TRAM1: variants seen among roughly 807,000 people sequenced by gnomAD.
The protein encoded by TRAM1 is translocation associated membrane protein 1, also known as translocating chain-associated membrane protein 1.
In TRAM1, 17 loss-of-function variants were observed where a neutral mutation model predicts 48.7. The observed-to-expected ratio is 0.35, with a 90% CI of 0.24 to 0.52. TRAM1 has a LOEUF of 0.52. TRAM1 is among the 20% of genes least tolerant of loss of function. TRAM1 has a pLI of 0.94. For synonymous variants in TRAM1, 182 were observed against 154.0 expected (o/e 1.18, Z -1.34); for missense variants, 351 against 441.5 (o/e 0.79, Z 1.84).
At chr8:70,580,080 A>T (rs1817043793) in intron 10 of TRAM1, among the ~76,000 whole-genome samples, 1 of 152,212 alleles carries the variant, frequency 6.6e-6, no homozygotes, top group Admixed American at 6.5e-5. Flanking sequence ...TGAGATCCCT[A>T]TACAGAAACC....
chr8:70,587,429 A>T (rs1330270332), intron 6 of TRAM1: 1 of 411,842 alleles, frequency 2.4e-6, no homozygotes. Context: ...ACCCCACCGC[A>T]ATCTCTCATC....
chr8:70,586,909 T>C lies in TRAM1; in HGVS notation c.732A>G (p.Glu244=), dbSNP rs977670397. The C allele has an allele frequency of 1.1e-5, 17 of 1,613,556 alleles. No homozygotes were observed. The highest frequency in any genetic ancestry group is 1.6e-4 in the Middle Eastern group (1 of 6,078). ...AAACAACTTACCCTTTCTGATACTT[T>C]TCATTGCTAAAATAAAACAGGCGGG... The part of the protein sequence containing the change: ...HISRLFYFSN[E]KYQKGFSLWA... The change falls in exon 8 of 11, where the codon GAA becomes GAG. Residue 244 remains glutamate, a synonymous_variant. Coordinates refer to ENST00000262213, the MANE Select transcript of TRAM1 (RefSeq NM_014294.6).
intron 5 of TRAM1, among the ~76,000 whole-genome samples, chr8:70,595,131 G>C (rs924302253): frequency 2.0e-5 from 3 of 150,632 alleles, no homozygotes; most frequent in African/African-American, 7.3e-5. Flanking sequence ...TAGGATTAAA[G>C]ACAGTCAGAA....
chr8:70,580,816 A>G (rs986025307), intron 10 of TRAM1, among the ~76,000 whole-genome samples: 1 of 152,198 alleles, frequency 6.6e-6, no homozygotes. Flanking sequence ...TCAATATACA[A>G]AAGTGAATTG....
intron 2 of TRAM1, among the ~76,000 whole-genome samples, 168 bp downstream of exon 2, chr8:70,599,851 C>T (rs1229209706): frequency 6.6e-6 from 1 of 152,126 alleles, no homozygotes; most frequent in Non-Finnish European, 1.5e-5. Flanking sequence ...TAAAGTCAAT[C>T]AAAAACATCA....
chr8:70,577,862 C>T (rs111319420), intron 10 of TRAM1, among the ~76,000 whole-genome samples: 31 of 152,340 alleles, frequency 2.0e-4, no homozygotes, highest in African/African-American at 7.5e-4. Context: ...GTCATGGGTC[C>T]CTGCAGCGGA....
In TRAM1 at chr8:70,574,802, A is replaced by G; in HGVS notation, c.*130T>C. 1.5e-6 allele frequency: 1 copy of G among 681,992 alleles called. No individual in the cohort carries two copies. The highest frequency in any genetic ancestry group is 1.9e-5 in the South Asian group (1 of 51,538). The allele number at this position is 681,992 out of a possible 1,614,324, so 42.2% of individuals were successfully genotyped here. A position where few individuals can be genotyped will look rare whatever the true frequency, so the allele number is the denominator to read the frequency against. ...CCTCAAATGCCCTTTAAAAAAATGC[A>G]TGAAACCGTACAATAGCAAAAATCA... On this transcript the variant is annotated 3_prime_UTR_variant, in exon 11 of 11. Transcript: ENST00000262213.
At chr8:70,600,638 C>T (rs562534843) in intron 1 of TRAM1, among the ~76,000 whole-genome samples, 1 of 152,092 alleles carries the variant, frequency 6.6e-6, no homozygotes, top group Non-Finnish European at 1.5e-5. Flanking sequence ...AGGCAAAGTG[C>T]TAGACAAAAA....
In TRAM1 at chr8:70,604,710, C is replaced by T. The variant is rs571400033; in HGVS notation, c.123+3367G>A. On this transcript the variant is annotated intron_variant, in intron 1 of 10. Transcript: ENST00000262213. ...GTTTCAAGATTGTTGAAATTGTAAA[C>T]GTCCCCAAAATCTGTATGGCATAAA... 5.3e-5 allele frequency among the ~76,000 whole-genome samples: 8 copies of T among 151,930 alleles called. No homozygotes were observed. In the South Asian group the frequency reaches 1.5e-3, roughly 28 times the overall value.
At position 70,608,353 on chromosome 8, in the gene TRAM1, A is replaced by T; in HGVS notation, c.-154T>A. On this transcript the variant is annotated 5_prime_UTR_variant, in exon 1 of 11. Coordinates refer to ENST00000262213, the MANE Select transcript of TRAM1 (RefSeq NM_014294.6). ...ACTTCCCATCCCACAGCCAGTACGC[A>T]GCCGCCGGGCCGCCCGGGGGAAAAA... The T allele has an allele frequency of 1.1e-6, 1 of 872,202 alleles. No individual in the cohort carries two copies. Among genetic ancestry groups the T allele is most frequent in the Non-Finnish European group, 1.5e-6 (1 of 648,662 alleles). The allele number at this position is 872,202 out of a possible 1,614,324, so 54.0% of individuals were successfully genotyped here. A position where few individuals can be genotyped will look rare whatever the true frequency, so the allele number is the denominator to read the frequency against.
chr8:70,599,836 C>T (rs919921421), intron 2 of TRAM1, among the ~76,000 whole-genome samples, 183 bp downstream of exon 2: 1 of 152,116 alleles, frequency 6.6e-6, no homozygotes, highest in Non-Finnish European at 1.5e-5. Flanking sequence ...AAAACATATA[C>T]AGGGTAAAGT....
At chr8:70,608,012 C>A in intron 1 of TRAM1, 65 bp downstream of exon 1, 1 of 1,486,672 alleles carries the variant, frequency 6.7e-7, no homozygotes. Context: ...CCGGGGCTGG[C>A]ATCTGGAGCC....
At chr8:70,606,953 C>CCTATG in intron 1 of TRAM1, 1 of 982,592 alleles carries the variant, frequency 1.0e-6, no homozygotes, top group Non-Finnish European at 1.2e-6. Flanking sequence ...TTTAAGCACT[C>CCTATG]CTATGTCCCA....
chr8:70,600,323 A>G (rs576575388), intron 1 of TRAM1, among the ~76,000 whole-genome samples: 36 of 152,354 alleles, frequency 2.4e-4, no homozygotes, highest in African/African-American at 7.7e-4. Flanking sequence ...TAAGATTTCA[A>G]AAGACATTTT....
In TRAM1 at chr8:70,573,602, A is replaced by G. The variant is rs937931142; in HGVS notation, c.*1330T>C. On this transcript the variant is annotated 3_prime_UTR_variant, in exon 11 of 11. Coordinates refer to ENST00000262213, the MANE Select transcript of TRAM1 (RefSeq NM_014294.6). ...AGGTTAACAGCTAGAAAGAAAAAGG[A>G]CAATTTCCTAGCAGCATGGCAACTT... is the stretch of plus-strand genomic sequence containing the variant. 6.6e-6 allele frequency: 1 copy of G among 152,628 alleles called. No individual in the cohort carries two copies. Among genetic ancestry groups the G allele is most frequent in the Non-Finnish European group, 1.5e-5 (1 of 68,044 alleles). The allele number at this position is 152,628 out of a possible 1,614,324, so 9.5% of individuals were successfully genotyped here.
intron 10 of TRAM1, among the ~76,000 whole-genome samples, chr8:70,576,009 T>TGCAGTGA (rs1563378137): frequency 6.8e-6 from 1 of 148,104 alleles, no homozygotes; most frequent in Non-Finnish European, 1.5e-5. Context: ...AGGCAAAGGT[T>TGCAGTGA]GCAGTGAGCT....
At chr8:70,583,904 T>G (rs111269851) in intron 8 of TRAM1, 111 bp from the exon 9 acceptor site, 2 of 1,262,528 alleles carry the variant, frequency 1.6e-6, no homozygotes, top group South Asian at 3.5e-5. Context: ...TCCCAGCTAC[T>G]TGGGAGGCTG....
rs1232108138 is a variant in TRAM1 at position 70,575,000 on chromosome 8, C to A, written c.1057G>T (p.Gly353Cys). 6.2e-7 allele frequency: 1 copy of A among 1,604,532 alleles called. No individual in the cohort carries two copies. Among genetic ancestry groups the A allele is most frequent in the Non-Finnish European group, 8.5e-7 (1 of 1,176,494 alleles). The stretch of plus-strand genomic sequence containing the variant: ...TTTGAAGTTAATGTTCCATTCACAC[C>A]ATTTTCTGCAAAAAGAAAAGAATCC... ...GRSSKKGTEN[G>C]VNGTLTSNVA... Residue 353 changes from glycine (G) to cysteine (C), a missense_variant, in exon 11 of 11, where the codon GGT (glycine) becomes TGT (cysteine). By Grantham distance (159) the Gly-to-Cys change is radical (BLOSUM62 -3). Coordinates refer to ENST00000262213, the MANE Select transcript of TRAM1 (RefSeq NM_014294.6).
At chr8:70,598,333 G>A (rs1817535280) in intron 2 of TRAM1, 78 bp from the exon 3 acceptor site, 2 of 1,380,978 alleles carry the variant, frequency 1.4e-6, no homozygotes, top group Non-Finnish European at 1.9e-6. Context: ...ACATAGTTAT[G>A]GAAACAAAGA....
Sources: allele counts gnomAD v4.1 joint callset (sites outside exome capture counted in the v4.1 genomes callset), GRCh38; gene constraint gnomAD v4.1.1; transcripts MANE v1.5; gene names NCBI Gene and HGNC (gene_info 2026-07-23, HGNC 2026-07-21).